The following CDH23 variants were observed in gnomAD, a reference collection of about 807,000 sequenced individuals.
The protein encoded by CDH23 is cadherin related 23, also known as cadherin-23.
In CDH23, 189 loss-of-function variants were observed where a neutral mutation model predicts 317.1. The ratio of observed to expected loss-of-function variants is 0.60; its 90% CI spans 0.53 to 0.67. CDH23 has a LOEUF of 0.67. Ranked by LOEUF, CDH23 falls within the 30% of genes least tolerant of loss-of-function variation. The probability of loss-of-function intolerance (pLI) is 0.00; values close to 1 mark genes in which losing one functional copy is unlikely to be tolerated. For missense variants in CDH23, 4,401 were observed against 4,592.4 expected, an observed-to-expected ratio of 0.96 and a Z score of 1.20; for synonymous variants, 1,839 against 1,876.8, an observed-to-expected ratio of 0.98 and a Z score of 0.52.
rs940065008 is a variant in CDH23 at position 71,813,237 on chromosome 10, C to T, written c.9634-7C>T. Reference sequence around the variant, plus strand: ...CTTGGTGGGGGTTAACCCTTTCCCTCCCCCAGGGCTCGCTGCTGAAGGTGG... The same window carrying T: ...CTTGGTGGGGGTTAACCCTTTCCCTTCCCCAGGGCTCGCTGCTGAAGGTGG... On this transcript the variant is annotated splice_polypyrimidine_tract_variant and splice_region_variant and intron_variant, in intron 68 of 69. Coordinates refer to ENST00000224721, the MANE Select transcript of CDH23 (RefSeq NM_022124.6). 2.3e-5 allele frequency: 35 copies of T among 1,551,170 alleles called. No homozygotes were observed. The Middle Eastern group carries it at 5.0e-4, about 22-fold the overall frequency.
chr10:71,478,456 G>A (rs1851903619), intron 3 of CDH23, among the ~76,000 whole-genome samples: 1 of 152,184 alleles, frequency 6.6e-6, no homozygotes, highest in Admixed American at 6.5e-5. Flanking sequence ...TTCCTGCACT[G>A]CCATGGCCCC....
intron 3 of CDH23, among the ~76,000 whole-genome samples, chr10:71,466,851 G>A (rs1851278642): frequency 6.6e-6 from 1 of 151,824 alleles, no homozygotes; most frequent in Non-Finnish European, 1.5e-5. Flanking sequence ...GAAAATCTCC[G>A]CCCATTGACA....
At chr10:71,425,222 AGAGAGAGAGG>A (rs1361121648) in intron 1 of CDH23, among the ~76,000 whole-genome samples, 2,614 of 51,928 alleles carry the variant, frequency 0.05, 117 homozygotes, top group Admixed American at 0.072. Flanking sequence ...AGTGGGGCAG[AGAGAGAGAGG>A]GAGAGAGAGA....
In CDH23 at chr10:71,707,003, G is replaced by A. The variant is rs754400062; in HGVS notation, c.3060G>A (p.Thr1020=). ...REFRVVWLNC[T]DNDVGLNAEL... ...TCCGGGTGGTCTGGCTGAACTGCAC[G>A]GACAACGACGTGGGCCTCAATGCAG... Residue 1020 remains threonine (T), a synonymous_variant, in exon 26 of 70, where the codon ACG becomes ACA. Transcript: ENST00000224721. The A allele has an allele frequency of 3.7e-6, 6 of 1,607,604 alleles. No homozygotes were observed. Among genetic ancestry groups the A allele is most frequent in the Admixed American group, 1.7e-5 (1 of 59,152 alleles).
chr10:71,414,350 G>A (rs550814993), intron 1 of CDH23, among the ~76,000 whole-genome samples: 1 of 152,104 alleles, frequency 6.6e-6, no homozygotes, highest in South Asian at 2.1e-4. Context: ...GTTCCTTTTT[G>A]TTAAGAGTTT....
chr10:71,747,166 C>G (rs1189687994), intron 38 of CDH23, among the ~76,000 whole-genome samples: 1 of 152,212 alleles, frequency 6.6e-6, no homozygotes, highest in African/African-American at 2.4e-5. Flanking sequence ...CTAAGTTCCT[C>G]CAAGAGACCC....
chr10:71,796,945 A>T, intron 48 of CDH23, 159 bp from the exon 49 acceptor site: 1 of 586,970 alleles, frequency 1.7e-6, no homozygotes, highest in Non-Finnish European at 3.1e-6. Context: ...ACCCAAGCTT[A>T]TGAGGAGGCT....
intron 3 of CDH23, among the ~76,000 whole-genome samples, chr10:71,454,165 A>G (rs937641303): frequency 2.6e-5 from 4 of 152,156 alleles, no homozygotes; most frequent in African/African-American, 9.7e-5. Flanking sequence ...TGAGGCCCAG[A>G]CTGCCTGGAT....
chr10:71,715,700 A>G (rs962248311), intron 28 of CDH23: 9 of 400,766 alleles, frequency 2.2e-5, no homozygotes, highest in Admixed American at 4.1e-5. Flanking sequence ...ACATCTCTTG[A>G]CCAGAAGTCT....
chr10:71,500,805 T>C (rs549478715), intron 3 of CDH23, among the ~76,000 whole-genome samples: 1 of 141,968 alleles, frequency 7.0e-6, no homozygotes, highest in Non-Finnish European at 1.5e-5. Flanking sequence ...TTTTCTTTTC[T>C]TTTCTTTTCT....
intron 19 of CDH23, among the ~76,000 whole-genome samples, chr10:71,688,734 A>G (rs370093709): frequency 0.036 from 361 of 10,132 alleles, no homozygotes; most frequent in African/African-American, 0.064. Context: ...GGTGGAGTCA[A>G]GGGTGGTGGA....
chr10:71,518,526 G>A (rs1406155995), intron 6 of CDH23, among the ~76,000 whole-genome samples: 7 of 152,154 alleles, frequency 4.6e-5, no homozygotes, highest in Non-Finnish European at 1.0e-4. Context: ...CACCCCTGCT[G>A]GGCATCACCT....
intron 26 of CDH23, 52 bp from the exon 27 acceptor site, chr10:71,709,046 C>G: frequency 6.4e-7 from 1 of 1,551,528 alleles, no homozygotes; most frequent in South Asian, 1.1e-5. Context: ...CCCGCTTCCC[C>G]TGGCCGGGAG....
chr10:71,732,082 C>T lies in CDH23; in HGVS notation c.3811C>T (p.Leu1271=). 6.2e-7 allele frequency: 1 copy of T among 1,614,036 alleles called. No homozygotes were observed. Among genetic ancestry groups the T allele is most frequent in the African/African-American group, 1.3e-5 (1 of 75,064 alleles). ...AGGGCTTATCATCACCGTGAATTAC[C>T]TGGACTACGAGACCAAGACCAGCTA... ...STGLIITVNY[L]DYETKTSYMM... The change falls in exon 32 of 70, where the codon CTG becomes TTG. Residue 1271 remains leucine, a synonymous_variant. Transcript: ENST00000224721.
chr10:71,797,392 G>A (rs1215324965), intron 49 of CDH23, among the ~76,000 whole-genome samples, 172 bp downstream of exon 49: 1 of 152,148 alleles, frequency 6.6e-6, no homozygotes, highest in Non-Finnish European at 1.5e-5. Flanking sequence ...CCACCGTGAG[G>A]CCCAGGGTGG....
In CDH23 at chr10:71,702,641, C is replaced by A. The variant is rs777013874; in HGVS notation, c.2680C>A (p.Pro894Thr). The part of the protein sequence containing the change: ...NDNDPTFQNL[P>T]FVAEVLEGIP... ...CAATGACCCCACCTTTCAGAACCTGCCTTTTGTGGCCGAGGTGCTTGAAGG... is the reference window on the plus strand; with the variant it reads ...CAATGACCCCACCTTTCAGAACCTGACTTTTGTGGCCGAGGTGCTTGAAGG... Residue 894 changes from proline to threonine, a missense_variant, in exon 24 of 70, where the codon CCT becomes ACT. Around this residue, in one of 3 missense-constraint regions of CDH23, gnomAD observed 3,068 missense variants for 3,203.3 expected, o/e 0.96. Transcript: ENST00000224721. 5.6e-6 allele frequency: 9 copies of A among 1,613,950 alleles called. No individual in the cohort carries two copies. The highest frequency in any genetic ancestry group is 7.6e-6 in the Non-Finnish European group (9 of 1,179,894).
intron 19 of CDH23, among the ~76,000 whole-genome samples, chr10:71,689,435 G>A (rs1865103135): frequency 6.6e-6 from 1 of 152,114 alleles, no homozygotes; most frequent in Non-Finnish European, 1.5e-5. Flanking sequence ...TGGGGACTGT[G>A]TCAAGGAGAA....
chr10:71,657,247 C>T (rs560833579), intron 14 of CDH23, among the ~76,000 whole-genome samples: 205 of 152,312 alleles, frequency 1.3e-3, no homozygotes, highest in Non-Finnish European at 2.2e-3. Flanking sequence ...GGCCTTGAGC[C>T]GGTGACTGAA....
At chr10:71,637,511 A>G (rs1475180857) in intron 11 of CDH23, among the ~76,000 whole-genome samples, 1 of 152,208 alleles carries the variant, frequency 6.6e-6, no homozygotes, top group Non-Finnish European at 1.5e-5. Context: ...AGATGAGGAA[A>G]TTGAGGCTCA....
Sources: gnomAD v4.1 joint callset for allele counts (sites outside exome capture counted in the v4.1 genomes callset) on GRCh38, gnomAD v4.1.1 for gene constraint, gnomAD v4.1.1 regional missense constraint, MANE v1.5 for transcripts, NCBI Gene and HGNC (gene_info 2026-07-23, HGNC 2026-07-21) for gene names.